Variants in FAM168A observed in about 807,000 individuals in gnomAD.
FAM168A encodes protein FAM168A.
Under a neutral mutation model 28.5 loss-of-function variants are expected in FAM168A, and 3 were observed. The observed-to-expected ratio is 0.11, with a 90% CI of 0.05 to 0.27. FAM168A has a LOEUF of 0.27. FAM168A is among the 10% of genes least tolerant of loss of function. The pLI, the probability that FAM168A is intolerant of heterozygous loss-of-function variation, is 1.00. For synonymous variants in FAM168A, 122 were observed against 124.2 expected (o/e 0.98, Z 0.12); for missense variants, 222 against 311.5 (o/e 0.71, Z 2.16).
In FAM168A at chr11:73,558,930, G is replaced by GC. The variant is rs373586396; in HGVS notation, c.-19+38992dup. Among the ~76,000 whole-genome samples the GC allele has an allele frequency of 5.4e-3, 818 of 152,236 alleles. 6 individuals carry two copies. Among genetic ancestry groups the GC allele is most frequent in the Non-Finnish European group, 7.2e-3 (493 of 68,028 alleles). On this transcript the variant is annotated intron_variant, in intron 1 of 7. Coordinates refer to ENST00000356467, the MANE Select transcript of FAM168A (RefSeq NM_015159.3). Reference sequence around the variant, plus strand: ...AAACATAGAATTACCATATGACCCAGCAATTCCATTCCTAGGTATACACTG... The same window carrying GC: ...AAACATAGAATTACCATATGACCCAGCCAATTCCATTCCTAGGTATACACTG...
chr11:73,574,718 A>ATTT (rs10568027), intron 1 of FAM168A, among the ~76,000 whole-genome samples: 5 of 88,632 alleles, frequency 5.6e-5, no homozygotes, highest in African/African-American at 1.2e-4. Context: ...TACACCTGGC[A>ATTT]TTTTTTTTTT....
At chr11:73,592,539 C>T (rs1944394643) in intron 1 of FAM168A, among the ~76,000 whole-genome samples, 1 of 152,130 alleles carries the variant, frequency 6.6e-6, no homozygotes, top group Admixed American at 6.5e-5. Flanking sequence ...ATGGCCCGCC[C>T]ATGGCCTATT....
rs1333761594 is a variant in FAM168A at position 73,484,515 on chromosome 11, T to G, written c.-18-16023A>C. 3.6e-3 allele frequency among the ~76,000 whole-genome samples: 440 copies of G among 121,306 alleles called. 4 individuals carry two copies. Among genetic ancestry groups the G allele is most frequent in the African/African-American group, 0.014 (331 of 22,946 alleles). The allele number at this position is 121,306 out of a possible 152,430, so 79.6% of individuals were successfully genotyped here. A position where few individuals can be genotyped will look rare whatever the true frequency, so the allele number is the denominator to read the frequency against. On this transcript the variant is annotated intron_variant, in intron 1 of 7. Coordinates refer to ENST00000356467, the MANE Select transcript of FAM168A (RefSeq NM_015159.3). Reference sequence around the variant, plus strand: ...AACTAAGAGGAGAGAGAGATATATATAGATATATATATCTATATATCTATA... The same window carrying G: ...AACTAAGAGGAGAGAGAGATATATAGAGATATATATATCTATATATCTATA...
chr11:73,447,112 T>C (rs79782652), intron 2 of FAM168A, among the ~76,000 whole-genome samples: 4,509 of 152,294 alleles, frequency 0.03, 221 homozygotes, highest in African/African-American at 0.1. Flanking sequence ...AATGCTCAGA[T>C]AGTCCTTCTC....
Position 73,435,077 on chromosome 11 carries a change from TC to T in FAM168A, c.71-4308del, listed in dbSNP as rs143400829. 8.5e-3 allele frequency among the ~76,000 whole-genome samples: 1,288 copies of T among 152,316 alleles called. 28 individuals carry two copies. The highest frequency in any genetic ancestry group is 0.03 in the African/African-American group (1,235 of 41,558). On this transcript the variant is annotated intron_variant, in intron 2 of 7. Coordinates refer to ENST00000356467, the MANE Select transcript of FAM168A (RefSeq NM_015159.3). ...AAAAGTCAAAGATTAAATCCCTAAA[TC>T]CCTAAAAGCTTCTTTGGGATTTGTA...
chr11:73,580,228 C>T (rs1944227241), intron 1 of FAM168A: 1 of 514,676 alleles, frequency 1.9e-6, no homozygotes, highest in Admixed American at 2.1e-5. Flanking sequence ...GCCTACGTCC[C>T]GCTGCCGTCA....
rs2134473728 is a variant in FAM168A at position 73,406,247 on chromosome 11, T to C, written c.*516A>G. The C allele has an allele frequency of 6.6e-6, 1 of 152,286 alleles. No homozygotes were observed. The allele number at this position is 152,286 out of a possible 1,614,324, so 9.4% of individuals were successfully genotyped here. A position where few individuals can be genotyped will look rare whatever the true frequency, so the allele number is the denominator to read the frequency against. Reference sequence around the variant, plus strand: ...GTTGCAATGGTTCTCAGGAGACATTTCATTTGTGTCTGGGACATGGGAATG... The same window carrying C: ...GTTGCAATGGTTCTCAGGAGACATTCCATTTGTGTCTGGGACATGGGAATG... On this transcript the variant is annotated 3_prime_UTR_variant, in exon 8 of 8. Transcript: ENST00000356467.
chr11:73,448,222 A>G (rs1867358491), intron 2 of FAM168A, among the ~76,000 whole-genome samples: 1 of 151,966 alleles, frequency 6.6e-6, no homozygotes, highest in African/African-American at 2.4e-5. Flanking sequence ...TAATTTTTGT[A>G]TTTTTAGTAG....
intron 2 of FAM168A, among the ~76,000 whole-genome samples, chr11:73,451,575 G>T (rs971527692): frequency 1.8e-5 from 2 of 108,356 alleles, no homozygotes; most frequent in Non-Finnish European, 1.8e-5. Flanking sequence ...CAGCATATAT[G>T]AAGGTGATCC....
intron 2 of FAM168A, among the ~76,000 whole-genome samples, chr11:73,431,361 G>A (rs976262588): frequency 2.1e-5 from 1 of 48,756 alleles, no homozygotes; most frequent in Admixed American, 2.0e-4. Flanking sequence ...ACACCCCCCC[G>A]CCAAAAAAAA....
intron 2 of FAM168A, among the ~76,000 whole-genome samples, chr11:73,442,219 G>A (rs558432434): frequency 4.7e-5 from 7 of 150,226 alleles, no homozygotes; most frequent in South Asian, 4.2e-4. Flanking sequence ...TCCACCTCCC[G>A]GATTCACGCC....
chr11:73,510,638 T>C (rs1253325580), intron 1 of FAM168A: 1 of 288,800 alleles, frequency 3.5e-6, no homozygotes, highest in Non-Finnish European at 6.4e-6. Flanking sequence ...AGCCCGTTCA[T>C]GAGGTAAGCC....
intron 2 of FAM168A, among the ~76,000 whole-genome samples, chr11:73,465,317 G>A (rs1867717728): frequency 6.6e-6 from 1 of 150,716 alleles, no homozygotes; most frequent in African/African-American, 2.4e-5. Context: ...AAGATGAGAA[G>A]AATGTTGAGG....
intron 1 of FAM168A, among the ~76,000 whole-genome samples, chr11:73,485,304 A>T (rs1298622257): frequency 6.6e-6 from 1 of 152,202 alleles, no homozygotes; most frequent in African/African-American, 2.4e-5. Flanking sequence ...CTGGTACTGG[A>T]TCTAGGAGAA....
intron 1 of FAM168A, among the ~76,000 whole-genome samples, chr11:73,541,652 G>A (rs1006729664): frequency 1.3e-5 from 2 of 152,042 alleles, no homozygotes; most frequent in Admixed American, 6.5e-5. Flanking sequence ...TTACAGGCGT[G>A]AGCCACCGCA....
intron 1 of FAM168A, among the ~76,000 whole-genome samples, chr11:73,480,409 A>G (rs1399799311): frequency 6.6e-6 from 1 of 151,440 alleles, no homozygotes; most frequent in African/African-American, 2.4e-5. Flanking sequence ...TTTTTTTTTA[A>G]GAACAAATTT....
chr11:73,528,378 C>A (rs561759391), intron 1 of FAM168A, among the ~76,000 whole-genome samples: 1 of 152,222 alleles, frequency 6.6e-6, no homozygotes, highest in African/African-American at 2.4e-5. Context: ...ATCCCAATAT[C>A]CGGAAAACAA....
chr11:73,423,001 T>C (rs1181479304), intron 3 of FAM168A, among the ~76,000 whole-genome samples: 1 of 152,260 alleles, frequency 6.6e-6, no homozygotes, highest in Non-Finnish European at 1.5e-5. Flanking sequence ...AAATCTGAGT[T>C]GTAGCCTGGG....
chr11:73,442,442 A>AT (rs1867214615), intron 2 of FAM168A, among the ~76,000 whole-genome samples: 1 of 152,014 alleles, frequency 6.6e-6, no homozygotes, highest in Non-Finnish European at 1.5e-5. Context: ...TTTTTAATGT[A>AT]AGCACTTACA....
Sources: allele counts gnomAD v4.1 joint callset (sites outside exome capture counted in the v4.1 genomes callset), GRCh38; gene constraint gnomAD v4.1.1; transcripts MANE v1.5; gene names NCBI Gene and HGNC (gene_info 2026-07-23, HGNC 2026-07-21).